Variants in ATRNL1 observed in about 807,000 individuals in gnomAD.
ATRNL1 encodes the protein attractin-like protein 1.
ATRNL1 carries 95 observed loss-of-function variants against 182.7 expected under a neutral mutation model. The ratio of observed to expected loss-of-function variants is 0.52; its 90% CI spans 0.44 to 0.62. The LOEUF (loss-of-function observed/expected upper bound fraction) is 0.62. Ranked by LOEUF, ATRNL1 falls within the 20% of genes least tolerant of loss-of-function variation. The probability of loss-of-function intolerance (pLI) is 0.00; values close to 1 mark genes in which losing one functional copy is unlikely to be tolerated. For synonymous variants in ATRNL1, 576 were observed against 568.3 expected, an observed-to-expected ratio of 1.01 and a Z score of -0.19; for missense variants, 1,471 against 1,679.5, an observed-to-expected ratio of 0.88 and a Z score of 2.17.
intron 27 of ATRNL1, among the ~76,000 whole-genome samples, chr10:115,773,548 T>A (rs1020031714): frequency 2.0e-5 from 3 of 152,204 alleles, no homozygotes; most frequent in Admixed American, 2.0e-4. Flanking sequence ...TATTCAGGTA[T>A]GGCTACGTAA....
chr10:115,287,036 C>T (rs1485126133), intron 15 of ATRNL1, among the ~76,000 whole-genome samples: 4 of 151,806 alleles, frequency 2.6e-5, no homozygotes, highest in Non-Finnish European at 5.9e-5. Flanking sequence ...CACAAGGGAC[C>T]TCCGTATCCT....
intron 27 of ATRNL1, among the ~76,000 whole-genome samples, chr10:115,756,689 A>G (rs952094642): frequency 2.6e-5 from 4 of 152,144 alleles, no homozygotes; most frequent in African/African-American, 7.2e-5. Context: ...TGCTTGGTCC[A>G]GAGCTGAGTT....
chr10:115,363,610 T>G (rs1856865759), intron 19 of ATRNL1, among the ~76,000 whole-genome samples: 1 of 150,860 alleles, frequency 6.6e-6, no homozygotes. Context: ...ATGTCCTGAA[T>G]GGTAATGCCT....
chr10:115,927,025 C>T (rs778510931), intron 28 of ATRNL1, among the ~76,000 whole-genome samples: 1 of 152,112 alleles, frequency 6.6e-6, no homozygotes, highest in Non-Finnish European at 1.5e-5. Flanking sequence ...TAATAAAATA[C>T]TGGCACACCA....
chr10:115,344,187 C>A (rs1554939104), intron 19 of ATRNL1, among the ~76,000 whole-genome samples: 1 of 152,124 alleles, frequency 6.6e-6, no homozygotes, highest in East Asian at 1.9e-4. Flanking sequence ...GGTGGCAAAG[C>A]CAGCTAGGCC....
chr10:115,934,019 T>G (rs1347442300), intron 28 of ATRNL1, among the ~76,000 whole-genome samples: 3 of 152,124 alleles, frequency 2.0e-5, no homozygotes, highest in Non-Finnish European at 4.4e-5. Flanking sequence ...GCTAATGGCA[T>G]GGGAACAAAG....
At chr10:115,788,851 G>A (rs563468354) in intron 27 of ATRNL1, among the ~76,000 whole-genome samples, 2 of 152,358 alleles carry the variant, frequency 1.3e-5, no homozygotes, top group Admixed American at 6.5e-5. Context: ...AAGGGCTGCA[G>A]TTGGGGCAGT....
At chr10:115,378,147 T>A (rs1272279988) in intron 19 of ATRNL1, among the ~76,000 whole-genome samples, 1 of 152,182 alleles carries the variant, frequency 6.6e-6, no homozygotes, top group African/African-American at 2.4e-5. Context: ...CTCTGGGATA[T>A]CATACGTGTG....
intron 8 of ATRNL1, among the ~76,000 whole-genome samples, chr10:115,209,491 C>T (rs1848937801): frequency 6.7e-6 from 1 of 150,284 alleles, no homozygotes; most frequent in African/African-American, 2.4e-5. Flanking sequence ...CCATCATGGC[C>T]TAATGAAGAA....
intron 26 of ATRNL1, among the ~76,000 whole-genome samples, chr10:115,622,013 G>A (rs1555023134): frequency 6.6e-6 from 1 of 152,160 alleles, no homozygotes; most frequent in East Asian, 1.9e-4. Flanking sequence ...GTGTGGAAGG[G>A]GAGAGCAGAG....
At chr10:115,937,127 G>T (rs573479708) in intron 28 of ATRNL1, among the ~76,000 whole-genome samples, 1 of 152,162 alleles carries the variant, frequency 6.6e-6, no homozygotes, top group South Asian at 2.1e-4. Flanking sequence ...AGAACAATTC[G>T]TATGAAAGTC....
chr10:115,858,520 C>T (rs1258838296), intron 28 of ATRNL1, among the ~76,000 whole-genome samples: 3 of 152,096 alleles, frequency 2.0e-5, no homozygotes, highest in Admixed American at 2.0e-4. Context: ...AGGGGAACAA[C>T]ATACACTGGA....
At chr10:115,316,076 C>T (rs1472004073) in intron 18 of ATRNL1, among the ~76,000 whole-genome samples, 1 of 151,982 alleles carries the variant, frequency 6.6e-6, no homozygotes, top group Admixed American at 6.6e-5. Context: ...GTTTGCTGCT[C>T]CTATTGACCC....
At chr10:115,399,734 G>A (rs1232222755) in intron 20 of ATRNL1, among the ~76,000 whole-genome samples, 4 of 151,602 alleles carry the variant, frequency 2.6e-5, no homozygotes, top group Non-Finnish European at 5.9e-5. Flanking sequence ...TTTGCTCTTG[G>A]TTCTGTAGTT....
intron 24 of ATRNL1, among the ~76,000 whole-genome samples, chr10:115,518,006 T>G (rs2133697027): frequency 6.6e-6 from 1 of 152,046 alleles, no homozygotes; most frequent in Non-Finnish European, 1.5e-5. Context: ...CTTAGAAGCT[T>G]GTAGGAAATG....
chr10:115,899,479 T>C (rs1952296646), intron 28 of ATRNL1, among the ~76,000 whole-genome samples: 1 of 152,136 alleles, frequency 6.6e-6, no homozygotes, highest in South Asian at 2.1e-4. Context: ...CTGCTAATTT[T>C]GTATTTTTAG....
intron 26 of ATRNL1, among the ~76,000 whole-genome samples, chr10:115,668,792 C>T (rs1945596194): frequency 6.6e-6 from 1 of 152,114 alleles, no homozygotes. Flanking sequence ...ACTTTTACTA[C>T]TCTCATCAGT....
intron 26 of ATRNL1, among the ~76,000 whole-genome samples, chr10:115,650,584 G>A (rs1430068616): frequency 6.6e-6 from 1 of 151,912 alleles, no homozygotes; most frequent in Non-Finnish European, 1.5e-5. Flanking sequence ...CGTTTGAATA[G>A]AAAAGCTGAC....
At chr10:115,900,059 A>G (rs1952312057) in intron 28 of ATRNL1, among the ~76,000 whole-genome samples, 1 of 152,242 alleles carries the variant, frequency 6.6e-6, no homozygotes, top group Non-Finnish European at 1.5e-5. Context: ...CTGGCATAAT[A>G]CAAGTATGTG....
Sources: gnomAD v4.1 joint callset for allele counts (sites outside exome capture counted in the v4.1 genomes callset) on GRCh38, gnomAD v4.1.1 for gene constraint, MANE v1.5 for transcripts, NCBI Gene and HGNC (gene_info 2026-07-23, HGNC 2026-07-21) for gene names.